FAM13A: variants seen among roughly 807,000 people sequenced by gnomAD.
The protein encoded by FAM13A is protein FAM13A.
Under a neutral mutation model 129.6 loss-of-function variants are expected in FAM13A, and 76 were observed. That is an observed-to-expected ratio of 0.59 (90% CI 0.49 to 0.71). The LOEUF (loss-of-function observed/expected upper bound fraction) is 0.71. Ranked by LOEUF, FAM13A falls within the 30% of genes least tolerant of loss-of-function variation. The pLI, the probability that FAM13A is intolerant of heterozygous loss-of-function variation, is 0.00. For synonymous variants in FAM13A, 443 were observed against 449.9 expected, an observed-to-expected ratio of 0.98 and a Z score of 0.20; for missense variants, 1,108 against 1,249.3, an observed-to-expected ratio of 0.89 and a Z score of 1.70.
intron 7 of FAM13A, among the ~76,000 whole-genome samples, chr4:88,827,799 A>G (rs1385323296): frequency 6.6e-6 from 1 of 152,216 alleles, no homozygotes; most frequent in Non-Finnish European, 1.5e-5. Flanking sequence ...ACTATTAGTC[A>G]ACATCCTACC....
At chr4:88,784,192 G>A (rs748886948) in intron 10 of FAM13A, among the ~76,000 whole-genome samples, 3 of 152,120 alleles carry the variant, frequency 2.0e-5, no homozygotes, top group African/African-American at 4.8e-5. Context: ...GTGCATCCAC[G>A]TGTCTCTTCT....
intron 7 of FAM13A, among the ~76,000 whole-genome samples, chr4:88,821,735 C>A (rs747977672): frequency 6.6e-6 from 1 of 152,162 alleles, no homozygotes; most frequent in African/African-American, 2.4e-5. Flanking sequence ...AGCATGTGGA[C>A]ATTTTCACTG....
intron 6 of FAM13A, among the ~76,000 whole-genome samples, chr4:88,878,016 C>G (rs1309368677): frequency 6.6e-6 from 1 of 151,988 alleles, no homozygotes. Flanking sequence ...TGGCTGGGCG[C>G]GGTGGCTCAC....
chr4:88,767,710 A>ATACT, intron 12 of FAM13A, 115 bp from the exon 13 acceptor site: 1 of 825,866 alleles, frequency 1.2e-6, no homozygotes, highest in Non-Finnish European at 1.8e-6. Flanking sequence ...TCTAAGCCAA[A>ATACT]TACTTATAAA....
At chr4:88,923,862 A>T (rs190332204) in intron 5 of FAM13A, among the ~76,000 whole-genome samples, 1 of 152,192 alleles carries the variant, frequency 6.6e-6, no homozygotes, top group Non-Finnish European at 1.5e-5. Flanking sequence ...AAGTCTCAGG[A>T]TACAAAATCA....
chr4:88,963,904 G>A (rs79214386), intron 4 of FAM13A, among the ~76,000 whole-genome samples: 7,141 of 152,234 alleles, frequency 0.047, 275 homozygotes, highest in South Asian at 0.23. Context: ...GTGTGTCACT[G>A]AAGAAATGAA....
chr4:89,014,217 A>G (rs2149092517), intron 3 of FAM13A, among the ~76,000 whole-genome samples: 1 of 152,340 alleles, frequency 6.6e-6, no homozygotes, highest in South Asian at 2.1e-4. Flanking sequence ...GCACTCAGTA[A>G]GCCTACCGTA....
intron 5 of FAM13A, chr4:88,936,522 T>C (rs1438502737): frequency 6.6e-6 from 1 of 152,180 alleles, no homozygotes; most frequent in African/African-American, 2.4e-5. Context: ...CACTAAGTCA[T>C]TCACGAAGGA....
chr4:88,898,581 C>T (rs1227372470), intron 6 of FAM13A, among the ~76,000 whole-genome samples: 1 of 151,998 alleles, frequency 6.6e-6, no homozygotes, highest in Non-Finnish European at 1.5e-5. Context: ...CTCAATGCTG[C>T]TCTTGAATTG....
intron 11 of FAM13A, among the ~76,000 whole-genome samples, chr4:88,778,539 C>T (rs1391877161): frequency 1.3e-5 from 2 of 152,204 alleles, no homozygotes; most frequent in African/African-American, 4.8e-5. Flanking sequence ...AAGGGTACAG[C>T]CCGTGAGTCC....
At chr4:89,039,895 G>T (rs1364053764) in intron 1 of FAM13A, among the ~76,000 whole-genome samples, 1 of 151,788 alleles carries the variant, frequency 6.6e-6, no homozygotes, top group Non-Finnish European at 1.5e-5. Flanking sequence ...TGAAGCTGCA[G>T]TGAGCTACGA....
chr4:88,731,630 G>A (rs1737817678), intron 22 of FAM13A: 3 of 551,780 alleles, frequency 5.4e-6, no homozygotes, highest in Non-Finnish European at 9.5e-6. Context: ...AGCTTCTGGG[G>A]GTTCCTGCTA....
intron 23 of FAM13A, among the ~76,000 whole-genome samples, chr4:88,731,019 G>A (rs1020609136): frequency 2.0e-5 from 3 of 152,276 alleles, no homozygotes; most frequent in South Asian, 2.1e-4. Context: ...AGCGGGAAAC[G>A]CAGCTTCCTG....
intron 4 of FAM13A, among the ~76,000 whole-genome samples, chr4:88,986,177 A>T (rs1762223510): frequency 6.6e-6 from 1 of 150,862 alleles, no homozygotes; most frequent in Non-Finnish European, 1.5e-5. Context: ...CCTATCTCCC[A>T]GGCTGGAGTG....
chr4:88,735,742 A>G (rs1738848037), intron 21 of FAM13A, among the ~76,000 whole-genome samples: 1 of 152,242 alleles, frequency 6.6e-6, no homozygotes, highest in African/African-American at 2.4e-5. Flanking sequence ...CAACAGGAAC[A>G]AAGTGAACCA....
chr4:88,803,458 T>A (rs1229112869), intron 8 of FAM13A, among the ~76,000 whole-genome samples: 2 of 152,222 alleles, frequency 1.3e-5, no homozygotes, highest in Non-Finnish European at 2.9e-5. Flanking sequence ...TACAGGACAT[T>A]CAGAGAAATA....
rs1457677824 is a variant in FAM13A at position 88,890,209 on chromosome 4, C to T, written c.843+16170G>A. ...TTCACCTTTGCATCCCAGCACCTGG[C>T]ATACAATAGATGGGATGAAATGTTC... On this transcript the variant is annotated intron_variant, in intron 6 of 23. Coordinates refer to ENST00000264344, the MANE Select transcript of FAM13A (RefSeq NM_014883.4). 2.6e-5 allele frequency among the ~76,000 whole-genome samples: 4 copies of T among 152,170 alleles called. No homozygotes were observed. In the South Asian group the frequency reaches 6.2e-4, roughly 24 times the overall value.
intron 3 of FAM13A, among the ~76,000 whole-genome samples, chr4:88,991,654 A>C (rs146563673): frequency 7.2e-5 from 11 of 152,302 alleles, no homozygotes; most frequent in African/African-American, 2.6e-4. Context: ...CTTTTGAATA[A>C]AATTTGATAT....
At chr4:88,887,738 G>A (rs996965181) in intron 6 of FAM13A, among the ~76,000 whole-genome samples, 1 of 151,860 alleles carries the variant, frequency 6.6e-6, no homozygotes, top group Non-Finnish European at 1.5e-5. Flanking sequence ...TCACTATGTT[G>A]GCCAGGCTGG....
Sources: allele counts gnomAD v4.1 joint callset (sites outside exome capture counted in the v4.1 genomes callset), GRCh38; gene constraint gnomAD v4.1.1; transcripts MANE v1.5; gene names NCBI Gene and HGNC (gene_info 2026-07-23, HGNC 2026-07-21).